Variants in CNTNAP5 observed in about 807,000 individuals in gnomAD.
CNTNAP5 encodes the protein contactin-associated protein-like 5.
In CNTNAP5, 72 loss-of-function variants were observed where a neutral mutation model predicts 150.2. That is an observed-to-expected ratio of 0.48 (90% CI 0.40 to 0.58). The LOEUF is 0.58. Among genes scored for constraint, CNTNAP5 ranks in the 20% least tolerant of loss-of-function variants. CNTNAP5 has a pLI of 0.00. For synonymous variants in CNTNAP5, 672 were observed against 619.8 expected, an observed-to-expected ratio of 1.08 and a Z score of -1.25; for missense variants, 1,636 against 1,626.2, an observed-to-expected ratio of 1.01 and a Z score of -0.10.
intron 3 of CNTNAP5, among the ~76,000 whole-genome samples, chr2:124,281,740 A>G (rs1688016706): frequency 6.6e-6 from 1 of 152,134 alleles, no homozygotes; most frequent in African/African-American, 2.4e-5. Flanking sequence ...GTGGTTTCAC[A>G]AGCGGGCTTC....
chr2:124,515,293 G>T (rs1321359841), intron 8 of CNTNAP5, among the ~76,000 whole-genome samples: 2 of 152,160 alleles, frequency 1.3e-5, no homozygotes, highest in African/African-American at 4.8e-5. Flanking sequence ...AGAGCGGGGG[G>T]TGTCCCAAAA....
intron 17 of CNTNAP5, among the ~76,000 whole-genome samples, chr2:124,786,390 AGAAAGAAAGAAGGAAGGAAG>A (rs1176497969): frequency 2.5e-3 from 188 of 74,626 alleles, no homozygotes; most frequent in Non-Finnish European, 4.1e-3. Flanking sequence ...AAAGAAAGAA[AGAAAGAAAGAAGGAAGGAAG>A]GAAGGAAGGA....
intron 9 of CNTNAP5, among the ~76,000 whole-genome samples, chr2:124,526,519 A>T (rs2104889171): frequency 6.6e-6 from 1 of 152,270 alleles, no homozygotes; most frequent in South Asian, 2.1e-4. Context: ...ATTGGGATGG[A>T]GTTCGTATGG....
chr2:124,109,542 G>T (rs751298930), intron 1 of CNTNAP5, among the ~76,000 whole-genome samples: 6 of 152,182 alleles, frequency 3.9e-5, no homozygotes, highest in Non-Finnish European at 8.8e-5. Flanking sequence ...CAAAAGTTGT[G>T]GTCCTTCAGG....
intron 1 of CNTNAP5, among the ~76,000 whole-genome samples, chr2:124,089,825 G>A (rs1034754681): frequency 6.6e-6 from 1 of 152,210 alleles, no homozygotes; most frequent in Non-Finnish European, 1.5e-5. Context: ...ATGGATGCCT[G>A]GAATTTCCTG....
chr2:124,601,456 AT>A (rs1558699673), intron 11 of CNTNAP5, among the ~76,000 whole-genome samples: 1 of 152,186 alleles, frequency 6.6e-6, no homozygotes, highest in Non-Finnish European at 1.5e-5. Context: ...CCACTATCAA[AT>A]ACGAGAGAAC....
chr2:124,332,641 T>C (rs193234449), intron 3 of CNTNAP5, among the ~76,000 whole-genome samples: 1 of 151,904 alleles, frequency 6.6e-6, no homozygotes, highest in Non-Finnish European at 1.5e-5. Context: ...AGTAAAACTC[T>C]AATGATGTAG....
intron 7 of CNTNAP5, 45 bp downstream of exon 7, chr2:124,474,927 G>T: frequency 6.4e-7 from 1 of 1,553,436 alleles, no homozygotes; most frequent in South Asian, 1.2e-5. Context: ...CTACCACTTT[G>T]GGGTAAGTCT....
At chr2:124,466,510 C>T (rs1693381613) in intron 6 of CNTNAP5, among the ~76,000 whole-genome samples, 1 of 152,120 alleles carries the variant, frequency 6.6e-6, no homozygotes. Flanking sequence ...CACCACAGGG[C>T]TTTGAATCAT....
At chr2:124,629,773 G>GTTT (rs771169353) in intron 12 of CNTNAP5, among the ~76,000 whole-genome samples, 3,194 of 130,818 alleles carry the variant, frequency 0.024, 65 homozygotes, top group Admixed American at 0.064. Context: ...TCCAGGAGCT[G>GTTT]TTTTTTTTTT....
At chr2:124,682,524 G>A (rs1679091376) in intron 13 of CNTNAP5, among the ~76,000 whole-genome samples, 2 of 152,124 alleles carry the variant, frequency 1.3e-5, no homozygotes, top group Non-Finnish European at 2.9e-5. Flanking sequence ...AAGACTGCAG[G>A]CTTCTGGCCA....
chr2:124,588,868 G>A (rs1696614638), intron 11 of CNTNAP5, among the ~76,000 whole-genome samples: 1 of 151,966 alleles, frequency 6.6e-6, no homozygotes, highest in Non-Finnish European at 1.5e-5. Flanking sequence ...CTTTCTCACA[G>A]AGCCAGAGGT....
At chr2:124,531,048 T>G (rs2104894549) in intron 10 of CNTNAP5, among the ~76,000 whole-genome samples, 1 of 152,186 alleles carries the variant, frequency 6.6e-6, no homozygotes, top group East Asian at 1.9e-4. Context: ...ATAATAATTA[T>G]GTGACTCACC....
chr2:124,307,102 G>GT (rs1283886316), intron 3 of CNTNAP5, among the ~76,000 whole-genome samples: 1 of 152,220 alleles, frequency 6.6e-6, no homozygotes, highest in Non-Finnish European at 1.5e-5. Context: ...GATGCTATTA[G>GT]CCTGGATGGC....
At chr2:124,492,438 G>A (rs72968704) in intron 7 of CNTNAP5, among the ~76,000 whole-genome samples, 2,792 of 152,220 alleles carry the variant, frequency 0.018, 80 homozygotes, top group African/African-American at 0.062. Flanking sequence ...TGATCTCTGT[G>A]TCTGTTTGTA....
At chr2:124,414,322 G>T (rs1691863001) in intron 3 of CNTNAP5, among the ~76,000 whole-genome samples, 1 of 151,908 alleles carries the variant, frequency 6.6e-6, no homozygotes. Flanking sequence ...CTTGGGGAGG[G>T]GCTGATTGTA....
chr2:124,565,466 C>G (rs759043723), intron 11 of CNTNAP5, among the ~76,000 whole-genome samples: 11 of 151,200 alleles, frequency 7.3e-5, no homozygotes, highest in Non-Finnish European at 1.6e-4. Context: ...ACATATACAC[C>G]TACTATGACC....
intron 3 of CNTNAP5, among the ~76,000 whole-genome samples, chr2:124,328,139 A>C (rs1172323847): frequency 6.6e-6 from 1 of 151,096 alleles, no homozygotes; most frequent in Admixed American, 6.6e-5. Flanking sequence ...GTCCTACAAC[A>C]CATTTTTTTT....
chr2:124,477,474 C>T (rs545455351), intron 7 of CNTNAP5, among the ~76,000 whole-genome samples: 9 of 152,122 alleles, frequency 5.9e-5, no homozygotes, highest in East Asian at 1.9e-4. Flanking sequence ...CTGACTCCTT[C>T]GGTTTGGAAA....
Sources: allele counts gnomAD v4.1 joint callset (sites outside exome capture counted in the v4.1 genomes callset), GRCh38; gene constraint gnomAD v4.1.1; transcripts MANE v1.5; gene names NCBI Gene and HGNC (gene_info 2026-07-23, HGNC 2026-07-21).